Variants in KIF20B observed in about 807,000 individuals in gnomAD.
The protein encoded by KIF20B is kinesin-like protein KIF20B.
KIF20B carries 188 observed loss-of-function variants against 232.5 expected under a neutral mutation model. The ratio of observed to expected loss-of-function variants is 0.81; its 90% confidence interval spans 0.72 to 0.91. The LOEUF (loss-of-function observed/expected upper bound fraction) is 0.91. KIF20B is among the 40% of genes least tolerant of loss of function. The pLI, the probability that KIF20B is intolerant of heterozygous loss-of-function variation, is 0.00. For synonymous variants in KIF20B, 712 were observed against 683.0 expected, an observed-to-expected ratio of 1.04 and a Z score of -0.66; for missense variants, 2,154 against 2,055.9, an observed-to-expected ratio of 1.05 and a Z score of -0.92.
At chr10:89,724,225 G>A in intron 14 of KIF20B, 122 bp downstream of exon 14, 1 of 984,836 alleles carries the variant, frequency 1.0e-6, no homozygotes, top group South Asian at 2.9e-5. Context: ...CTTTATACAA[G>A]CTTGAAAATA....
intron 31 of KIF20B, among the ~76,000 whole-genome samples, chr10:89,771,874 GTC>G (rs1330124735): frequency 6.6e-6 from 1 of 151,876 alleles, no homozygotes; most frequent in African/African-American, 2.4e-5. Context: ...CTCAGGTTTA[GTC>G]TCTCGCATAT....
intron 26 of KIF20B, among the ~76,000 whole-genome samples, chr10:89,755,141 T>C (rs1589878350): frequency 6.6e-6 from 1 of 152,228 alleles, no homozygotes; most frequent in Non-Finnish European, 1.5e-5. Context: ...TTTTTTCTAA[T>C]TGGCACTTAG....
chr10:89,774,207 A>C lies in KIF20B; in HGVS notation c.*159A>C, dbSNP rs1022234363. On this transcript the variant is annotated 3_prime_UTR_variant, in exon 33 of 33. Transcript: ENST00000371728. ...AATTTTAATTCAATAAATGAGTCAA[A>C]ATTTGTATATTTTTATAAGGCTTTT... The C allele has an allele frequency of 5.0e-6, 2 of 400,704 alleles. No individual in the cohort carries two copies. Among genetic ancestry groups the C allele is most frequent in the Non-Finnish European group, 9.0e-6 (2 of 221,442 alleles). The allele number at this position is 400,704 out of a possible 1,614,324, so 24.8% of individuals were successfully genotyped here. A position where few individuals can be genotyped will look rare whatever the true frequency, so the allele number is the denominator to read the frequency against.
chr10:89,718,118 G>T (rs1320696297), intron 11 of KIF20B, among the ~76,000 whole-genome samples: 1 of 152,128 alleles, frequency 6.6e-6, no homozygotes, highest in Non-Finnish European at 1.5e-5. Context: ...TTTCTATTTA[G>T]GGTGTTTCAT....
rs774540147 is a variant in KIF20B at position 89,754,577 on chromosome 10, T to A, written c.4407T>A (p.Leu1469=). 4.7e-5 allele frequency: 76 copies of A among 1,606,286 alleles called. No individual in the cohort carries two copies. The highest frequency in any genetic ancestry group is 6.3e-5 in the Non-Finnish European group (74 of 1,175,840). The change falls in exon 26 of 33, where the codon CTT becomes CTA. Residue 1469 remains leucine (L), a synonymous_variant. Coordinates refer to ENST00000371728, the MANE Select transcript of KIF20B (RefSeq NM_001284259.2). ...RKKWLEEKMM[L]ITQAKEAENI... ...AATGGTTAGAAGAAAAAATGATGCT[T>A]ATCACTCAAGCGAAAGAAGCAGAGA...
At chr10:89,732,110 C>T (rs938263052) in intron 18 of KIF20B, among the ~76,000 whole-genome samples, 4 of 150,010 alleles carry the variant, frequency 2.7e-5, no homozygotes, top group African/African-American at 5.0e-5. Flanking sequence ...AGTTCCCCCC[C>T]TCTCTCAGCT....
chr10:89,772,957 C>A, intron 32 of KIF20B, 126 bp downstream of exon 32: 1 of 704,910 alleles, frequency 1.4e-6, no homozygotes, highest in Non-Finnish European at 2.2e-6. Flanking sequence ...TGCTTTTAGT[C>A]TCACATGTGT....
chr10:89,735,950 TAAAC>T (rs777740610), intron 19 of KIF20B, among the ~76,000 whole-genome samples: 6 of 152,224 alleles, frequency 3.9e-5, no homozygotes, highest in Non-Finnish European at 7.3e-5. Context: ...CTGGGATCAT[TAAAC>T]AAGAAGAATT....
In KIF20B at chr10:89,737,885, G is replaced by GT. The variant is rs774791658; in HGVS notation, c.3046dup (p.Ser1016PhefsTer2). 1.5e-5 allele frequency: 24 copies of GT among 1,613,432 alleles called. No individual in the cohort carries two copies. Among genetic ancestry groups the GT allele is most frequent in the Non-Finnish European group, 1.9e-5 (23 of 1,179,510 alleles). On this transcript the variant is annotated frameshift_variant, in exon 20 of 33. Transcript: ENST00000371728. LOFTEE classifies it high-confidence loss of function. ...CTCAATCTCAGGGATCTGTCAAATG[G>GT]TTCTGAGGAGGATAATTTGCCAAAT...
chr10:89,708,867 T>C (rs1339287151), intron 2 of KIF20B, among the ~76,000 whole-genome samples: 2 of 152,204 alleles, frequency 1.3e-5, no homozygotes, highest in African/African-American at 2.4e-5. Context: ...TCTAGAGTTA[T>C]ATTTTCCAAT....
At chr10:89,722,419 C>T (rs1436948794) in intron 13 of KIF20B, among the ~76,000 whole-genome samples, 3 of 152,284 alleles carry the variant, frequency 2.0e-5, no homozygotes, top group Admixed American at 6.5e-5. Flanking sequence ...CCTGTAATCC[C>T]AGCACTTTGG....
At position 89,756,773 on chromosome 10, in the gene KIF20B, T is replaced by C. The variant is rs115903066; in HGVS notation, c.4504-1933T>C. ...TTTTATGTAAATTGAAATATATGAA[T>C]ACATTTGATTGTACCTGACTTCTTT... On this transcript the variant is annotated intron_variant, in intron 26 of 32. Transcript: ENST00000371728. 3.2e-3 allele frequency among the ~76,000 whole-genome samples: 481 copies of C among 152,212 alleles called. 4 individuals are homozygous for C. Among genetic ancestry groups the C allele is most frequent in the African/African-American group, 0.011 (448 of 41,558 alleles).
intron 21 of KIF20B, 107 bp downstream of exon 21, chr10:89,739,203 T>G (rs759930134): frequency 8.1e-7 from 1 of 1,241,878 alleles, no homozygotes; most frequent in Non-Finnish European, 1.1e-6. Context: ...TTATCCACTT[T>G]ATAATTTTTC....
chr10:89,738,443 T>C lies in KIF20B; in HGVS notation c.3602T>C (p.Leu1201Ser), dbSNP rs1212079702. Residue 1201 changes from leucine to serine, a missense_variant, in exon 20 of 33, where the codon TTG (leucine) becomes TCG (serine). By Grantham distance (145) the Leu-to-Ser change is moderately radical. Coordinates refer to ENST00000371728, the MANE Select transcript of KIF20B (RefSeq NM_001284259.2). Reference sequence around the variant, plus strand: ...ATCATCTTAAAGCTAGAAAGAAATTTGAAGGAATTTCAAGAACATCTTCAG... The same window carrying C: ...ATCATCTTAAAGCTAGAAAGAAATTCGAAGGAATTTCAAGAACATCTTCAG... The part of the protein sequence containing the change: ...ESIILKLERN[L>S]KEFQEHLQDS... The C allele has an allele frequency of 6.2e-7, 1 of 1,603,190 alleles. No homozygotes were observed.
chr10:89,753,870 G>A (rs1842070079), intron 25 of KIF20B, among the ~76,000 whole-genome samples: 2 of 152,170 alleles, frequency 1.3e-5, no homozygotes, highest in Admixed American at 1.3e-4. Flanking sequence ...CGCCCACCTT[G>A]GCCTCCCAAA....
chr10:89,726,122 A>T (rs910422460), intron 15 of KIF20B, among the ~76,000 whole-genome samples, 171 bp from the exon 16 acceptor site: 2 of 152,258 alleles, frequency 1.3e-5, no homozygotes, highest in Admixed American at 1.3e-4. Flanking sequence ...CAGAAAATAA[A>T]TAATGGAACA....
At position 89,733,036 on chromosome 10, in the gene KIF20B, A is replaced by G. The variant is rs371603977; in HGVS notation, c.2525A>G (p.Asp842Gly). Residue 842 changes from aspartate to glycine, a missense_variant, in exon 19 of 33, where the codon GAT (aspartate) becomes GGT (glycine). Physicochemically the swap from Asp to Gly is moderately conservative, Grantham distance 94. Transcript: ENST00000371728. ...KRVNENELQQ[D>G]EPPAKKGSIH... Reference sequence around the variant, plus strand: ...GTAAATGAAAATGAACTTCAGCAAGATGAACCACCAGCAAAGAAAGGTACT... The same window carrying G: ...GTAAATGAAAATGAACTTCAGCAAGGTGAACCACCAGCAAAGAAAGGTACT... 1.9e-5 allele frequency: 31 copies of G among 1,613,608 alleles called. No individual in the cohort carries two copies. Among genetic ancestry groups the G allele is most frequent in the African/African-American group, 2.7e-5 (2 of 74,920 alleles).
intron 13 of KIF20B, among the ~76,000 whole-genome samples, chr10:89,721,169 A>T (rs10430645): frequency 0.31 from 47,439 of 152,100 alleles, 8,373 homozygotes; most frequent in African/African-American, 0.47. Context: ...TATAAGTAGA[A>T]CGATGATGTA....
chr10:89,725,483 G>T (rs1221817810), intron 15 of KIF20B, among the ~76,000 whole-genome samples: 1 of 152,128 alleles, frequency 6.6e-6, no homozygotes, highest in South Asian at 2.1e-4. Context: ...TTTTAAAGGT[G>T]TAAGAGACCT....
Sources: gnomAD v4.1 joint callset for allele counts (sites outside exome capture counted in the v4.1 genomes callset) on GRCh38, gnomAD v4.1.1 for gene constraint, MANE v1.5 for transcripts, NCBI Gene and HGNC (gene_info 2026-07-23, HGNC 2026-07-21) for gene names.